The following ARMC6 variants were observed in gnomAD, a reference collection of about 807,000 sequenced individuals.
The protein encoded by ARMC6 is armadillo repeat containing 6.
Under a neutral mutation model 49.2 loss-of-function variants are expected in ARMC6, and 43 were observed. That is an observed-to-expected ratio of 0.87 (90% CI 0.69 to 1.13). The LOEUF is 1.13. ARMC6 is among the 50% of genes most tolerant of loss of function. The pLI, the probability that ARMC6 is intolerant of heterozygous loss-of-function variation, is 0.00. For missense variants in ARMC6, 627 were observed against 682.0 expected (o/e 0.92, Z 0.90); for synonymous variants, 262 against 289.6 (o/e 0.90, Z 0.97).
At chr19:19,045,601 C>T (rs2059443958) in intron 4 of ARMC6, among the ~76,000 whole-genome samples, 1 of 147,266 alleles carries the variant, frequency 6.8e-6, no homozygotes, top group African/African-American at 2.5e-5. Flanking sequence ...AATTCTCCTG[C>T]CTCAGCCTCA....
rs746046723 is a variant in ARMC6 at position 19,042,873 on chromosome 19, G to T, written c.192G>T (p.Ser64=). ...AAGAGGCCGTGGAGCAGTTTGAATC[G>T]CAAGGTAGGGTGGTGTGACTGTCAC... ...AVKEAVEQFE[S]QGVDLSNIVK... Residue 64 remains serine (S), a synonymous_variant, in exon 3 of 9, where the codon TCG becomes TCT. Transcript: ENST00000535612. 1.2e-6 allele frequency: 2 copies of T among 1,613,516 alleles called. No homozygotes were observed. Among genetic ancestry groups the T allele is most frequent in the Non-Finnish European group, 8.5e-7 (1 of 1,179,996 alleles).
At chr19:19,043,869 G>A (rs2059428500) in intron 3 of ARMC6, 123 bp from the exon 4 acceptor site, 3 of 799,518 alleles carry the variant, frequency 3.8e-6, no homozygotes, top group Non-Finnish European at 4.2e-6. Context: ...GGAGGTGGGA[G>A]GCTTCTGGAG....
Position 19,058,032 on chromosome 19 carries a change from A to G in ARMC6, c.*404A>G, listed in dbSNP as rs777402312. 4 of 321,718 alleles carry G rather than the reference A, an allele frequency of 1.2e-5. No individual in the cohort carries two copies. Among genetic ancestry groups the G allele is most frequent in the Admixed American group, 4.5e-5 (1 of 22,444 alleles). 19.9% of individuals were successfully genotyped at this position (321,718 alleles called of 1,614,324 possible). On this transcript the variant is annotated 3_prime_UTR_variant, in exon 9 of 9. Coordinates refer to ENST00000535612, the MANE Select transcript of ARMC6 (RefSeq NM_001199196.2). ...CCCCCTGGCGCCTGCTGCTTACTGC[A>G]GTTTCATGCAGGCCTCTGCTCCTTG...
chr19:19,036,789 A>T (rs762019500), intron 2 of ARMC6, among the ~76,000 whole-genome samples: 1 of 152,256 alleles, frequency 6.6e-6, no homozygotes, highest in Non-Finnish European at 1.5e-5. Context: ...GAGCCTGTCC[A>T]TATCCTGTTC....
At chr19:19,050,495 C>T (rs1028454463) in intron 4 of ARMC6, among the ~76,000 whole-genome samples, 15 of 152,208 alleles carry the variant, frequency 9.9e-5, no homozygotes, top group African/African-American at 3.6e-4. Context: ...GGATTACAGG[C>T]ATGAGCCACC....
At chr19:19,034,305 G>T in intron 2 of ARMC6, 67 bp downstream of exon 2, 1 of 1,553,148 alleles carries the variant, frequency 6.4e-7, no homozygotes, top group Admixed American at 1.9e-5. Context: ...ATCTAGAAGT[G>T]GTTTTGAAGG....
Position 19,051,941 on chromosome 19 carries a change from G to C in ARMC6, c.599G>C (p.Arg200Pro), listed in dbSNP as rs147923845. Residue 200 changes from arginine to proline, a missense_variant, in exon 5 of 9, where the codon CGC becomes CCC. Coordinates refer to ENST00000535612, the MANE Select transcript of ARMC6 (RefSeq NM_001199196.2). ...GCTGACCTGACCTGCTCTGGGATCC[G>C]CTGTGTGCGTCACGCTTGCCTGAAA... is the stretch of plus-strand genomic sequence containing the variant. ...DEADLTCSGI[R>P]CVRHACLKHE... is the part of the protein sequence containing the mutation. 1 of 1,614,110 alleles carries C rather than the reference G, an allele frequency of 6.2e-7. No homozygotes were observed. Among genetic ancestry groups the C allele is most frequent in the Non-Finnish European group, 8.5e-7 (1 of 1,180,034 alleles).
chr19:19,055,262 C>A lies in ARMC6; in HGVS notation c.1024-3C>A. On this transcript the variant is annotated splice_region_variant and splice_polypyrimidine_tract_variant and intron_variant, in intron 6 of 8. Coordinates refer to ENST00000535612, the MANE Select transcript of ARMC6 (RefSeq NM_001199196.2). This position sits in a 1 kb window ranked among gnomAD's most constrained non-coding sequence, Gnocchi z 5.7. ...GAGGTGAGCGGGCCTTTCCCTTGTG[C>A]AGGAGCTCGTGAAGCAAGTGCTGAG... 1 of 1,593,310 alleles carries A rather than the reference C, an allele frequency of 6.3e-7. No individual in the cohort carries two copies. Among genetic ancestry groups the A allele is most frequent in the Non-Finnish European group, 8.5e-7 (1 of 1,169,710 alleles).
intron 2 of ARMC6, chr19:19,037,767 C>A: frequency 1.1e-6 from 1 of 918,828 alleles, no homozygotes; most frequent in Non-Finnish European, 1.4e-6. Context: ...GGCTCTGGAC[C>A]TAAGGCCTGT....
rs372124414 is a variant in ARMC6, at chr19:19,055,768, C to A, written c.1156-23C>A. On this transcript the variant is annotated intron_variant, in intron 7 of 8. Coordinates refer to ENST00000535612, the MANE Select transcript of ARMC6 (RefSeq NM_001199196.2). This position sits in a 1 kb window ranked among gnomAD's most constrained non-coding sequence, Gnocchi z 5.7. ...GGGGGTCTATCTGCTGCATCTCAGC[C>A]TTTCTGTGACTGGCCCCTGCAGGTG... 1.3e-5 allele frequency: 20 copies of A among 1,541,894 alleles called. No individual in the cohort carries two copies. Among genetic ancestry groups the A allele is most frequent in the Middle Eastern group, 1.7e-4 (1 of 5,756 alleles).
chr19:19,051,891 C>T lies in ARMC6; in HGVS notation c.549C>T (p.Ala183=). The stretch of plus-strand genomic sequence containing the variant: ...CCCAGGGCCTGCAGCTCCTAGTGGC[C>T]ACGCTGACCCAGAATGCTGATGAGG... ...LDAQGLQLLV[A]TLTQNADEAD... Residue 183 remains alanine (A), a synonymous_variant, in exon 5 of 9, where the codon GCC becomes GCT. Transcript: ENST00000535612. The T allele has an allele frequency of 6.2e-7, 1 of 1,614,156 alleles. No individual in the cohort carries two copies. Among genetic ancestry groups the T allele is most frequent in the Non-Finnish European group, 8.5e-7 (1 of 1,180,030 alleles).
chr19:19,038,898 T>TAC (rs35676976), intron 2 of ARMC6, among the ~76,000 whole-genome samples: 7,021 of 146,512 alleles, frequency 0.048, 232 homozygotes, highest in African/African-American at 0.088. Context: ...TTTGTGTGTA[T>TAC]ACACACACAC....
At chr19:19,036,100 C>T (rs921140407) in intron 2 of ARMC6, among the ~76,000 whole-genome samples, 10 of 152,188 alleles carry the variant, frequency 6.6e-5, no homozygotes, top group South Asian at 2.1e-4. Flanking sequence ...CTCGCTCTGT[C>T]GCCCAGGCTG....
At chr19:19,054,792 G>A (rs1422565919) in intron 6 of ARMC6, among the ~76,000 whole-genome samples, 6 of 152,200 alleles carry the variant, frequency 3.9e-5, no homozygotes, top group Non-Finnish European at 7.3e-5. Context: ...AGCTGTTGAC[G>A]TCAGCCAGCC....
intron 2 of ARMC6, among the ~76,000 whole-genome samples, chr19:19,036,443 C>T (rs1035733039): frequency 6.6e-6 from 1 of 152,186 alleles, no homozygotes; most frequent in African/African-American, 2.4e-5. Context: ...TTCTGTCCTG[C>T]ACTTGTGAAG....
chr19:19,041,148 G>A (rs904802735), intron 2 of ARMC6, among the ~76,000 whole-genome samples: 3 of 151,700 alleles, frequency 2.0e-5, no homozygotes, highest in Non-Finnish European at 4.4e-5. Context: ...GCTCCTTTTC[G>A]TGGGAAATGG....
Position 19,033,887 on chromosome 19 carries a change from A to G in ARMC6, c.-123A>G, listed in dbSNP as rs1243700948. 3 of 385,510 alleles carry G rather than the reference A, an allele frequency of 7.8e-6. No individual in the cohort carries two copies. The highest frequency in any genetic ancestry group is 1.4e-5 in the Non-Finnish European group (3 of 211,862). The allele number at this position is 385,510 out of a possible 1,614,324, so 23.9% of individuals were successfully genotyped here. A position where few individuals can be genotyped will look rare whatever the true frequency, so the allele number is the denominator to read the frequency against. ...GGGGCTAGAGGCGGCTCCCTGGGTGACAACCGCGCGCCCCACCTTTCCCCA... is the reference window on the plus strand; with the variant it reads ...GGGGCTAGAGGCGGCTCCCTGGGTGGCAACCGCGCGCCCCACCTTTCCCCA... On this transcript the variant is annotated 5_prime_UTR_variant, in exon 1 of 9. Coordinates refer to ENST00000535612, the MANE Select transcript of ARMC6 (RefSeq NM_001199196.2).
chr19:19,041,085 C>T (rs1400261363), intron 2 of ARMC6, among the ~76,000 whole-genome samples: 1 of 152,164 alleles, frequency 6.6e-6, no homozygotes, highest in Non-Finnish European at 1.5e-5. Flanking sequence ...CTTCCTGCCT[C>T]AGCCTCCCAA....
At chr19:19,050,421 G>A (rs1025961291) in intron 4 of ARMC6, among the ~76,000 whole-genome samples, 2 of 152,166 alleles carry the variant, frequency 1.3e-5, no homozygotes, top group African/African-American at 4.8e-5. Context: ...TCCGTATGTT[G>A]CCCAGGCGAG....
Sources: gnomAD v4.1 joint callset for allele counts (sites outside exome capture counted in the v4.1 genomes callset) on GRCh38, gnomAD v4.1.1 for gene constraint, Gnocchi (gnomAD v3.1) non-coding constraint, MANE v1.5 for transcripts, NCBI Gene and HGNC (gene_info 2026-07-23, HGNC 2026-07-21) for gene names.